The following RBFOX1 variants were observed in gnomAD, a reference collection of about 807,000 sequenced individuals.
The protein encoded by RBFOX1 is RNA binding fox-1 homolog 1, also known as RNA binding protein fox-1 homolog 1.
RBFOX1 carries 8 observed loss-of-function variants against 57.7 expected under a neutral mutation model. The ratio of observed to expected loss-of-function variants is 0.14; its 90% CI spans 0.08 to 0.25. The LOEUF (loss-of-function observed/expected upper bound fraction) is 0.25. RBFOX1 is among the 10% of genes least tolerant of loss of function. The probability of loss-of-function intolerance (pLI) is 1.00; values close to 1 mark genes in which losing one functional copy is unlikely to be tolerated. For missense variants in RBFOX1, 611 were observed against 548.5 expected (o/e 1.11, Z -1.14); for synonymous variants, 326 against 222.4 (o/e 1.47, Z -4.15).
intron 1 of RBFOX1, among the ~76,000 whole-genome samples, chr16:5,260,086 A>C (rs1447745970): frequency 1.3e-5 from 2 of 152,158 alleles, no homozygotes; most frequent in Non-Finnish European, 2.9e-5. Flanking sequence ...CTATAATCCC[A>C]GCTACGTGGG....
intron 4 of RBFOX1, among the ~76,000 whole-genome samples, chr16:7,448,606 C>T (rs2098826587): frequency 1.3e-5 from 2 of 152,170 alleles, no homozygotes; most frequent in South Asian, 4.1e-4. Context: ...ATGGGAGCTA[C>T]AATTTAAGAC....
At chr16:6,964,563 A>C (rs544219644) in intron 3 of RBFOX1, among the ~76,000 whole-genome samples, 1 of 152,140 alleles carries the variant, frequency 6.6e-6, no homozygotes, top group African/African-American at 2.4e-5. Context: ...GTGAGGGTAT[A>C]TGGGGAATCT....
chr16:7,379,733 TCTGCCTGCCTGCTTGC>T (rs1327507778), intron 4 of RBFOX1, among the ~76,000 whole-genome samples: 4 of 151,808 alleles, frequency 2.6e-5, no homozygotes, highest in African/African-American at 9.7e-5. Context: ...TTCCTTCCTT[TCTGCCTGCCTGCTTGC>T]CTGCCTGCCT....
intron 3 of RBFOX1, among the ~76,000 whole-genome samples, chr16:6,734,360 T>G (rs969225706): frequency 1.3e-5 from 2 of 152,208 alleles, no homozygotes; most frequent in African/African-American, 4.8e-5. Flanking sequence ...TTCACAAGAT[T>G]GCTAATCATT....
intron 2 of RBFOX1, among the ~76,000 whole-genome samples, chr16:6,501,751 C>A (rs1048941398): frequency 1.3e-5 from 2 of 152,066 alleles, no homozygotes; most frequent in Non-Finnish European, 2.9e-5. Flanking sequence ...GTGCCAGGCA[C>A]TGCTTTTCCA....
chr16:5,746,865 T>C (rs1226166420), intron 3 of RBFOX1, among the ~76,000 whole-genome samples: 2 of 152,218 alleles, frequency 1.3e-5, no homozygotes, highest in Non-Finnish European at 2.9e-5. Flanking sequence ...TTTCTAAATA[T>C]ACAATCATGT....
At chr16:5,407,877 G>A (rs1015360486) in intron 1 of RBFOX1, among the ~76,000 whole-genome samples, 1 of 152,220 alleles carries the variant, frequency 6.6e-6, no homozygotes, top group South Asian at 2.1e-4. Context: ...CCCAAGTCCC[G>A]TGGGAGGTGT....
intron 13 of RBFOX1, among the ~76,000 whole-genome samples, chr16:7,668,913 A>G (rs529547855): frequency 9.8e-4 from 149 of 152,144 alleles, no homozygotes; most frequent in Non-Finnish European, 1.5e-3. Flanking sequence ...GAAGCTATAG[A>G]TGTTTTTTGA....
intron 4 of RBFOX1, among the ~76,000 whole-genome samples, chr16:7,442,789 C>T (rs1169498768): frequency 2.0e-5 from 3 of 152,168 alleles, no homozygotes; most frequent in Non-Finnish European, 4.4e-5. Flanking sequence ...TCGATCGTCA[C>T]CCACCAGATC....
intron 4 of RBFOX1, among the ~76,000 whole-genome samples, chr16:5,919,069 T>A (rs2058764924): frequency 6.6e-6 from 1 of 152,206 alleles, no homozygotes; most frequent in South Asian, 2.1e-4. Flanking sequence ...GTCTGAGAGC[T>A]GAGGCAGTTT....
intron 2 of RBFOX1, among the ~76,000 whole-genome samples, chr16:6,598,631 C>T (rs544368589): frequency 6.7e-6 from 1 of 150,036 alleles, no homozygotes; most frequent in Non-Finnish European, 1.5e-5. Context: ...TATTATGTGA[C>T]CATTCAAAAT....
intron 2 of RBFOX1, among the ~76,000 whole-genome samples, chr16:6,425,866 A>G (rs906283258): frequency 2.0e-5 from 3 of 152,136 alleles, no homozygotes; most frequent in Non-Finnish European, 2.9e-5. Flanking sequence ...CATAATGTCA[A>G]TCATTGTCAA....
At chr16:7,515,421 A>T (rs1034201378) in intron 4 of RBFOX1, among the ~76,000 whole-genome samples, 10 of 152,080 alleles carry the variant, frequency 6.6e-5, no homozygotes, top group Non-Finnish European at 7.4e-5. Flanking sequence ...ATACTGTATT[A>T]TATACTGGAA....
intron 1 of RBFOX1, among the ~76,000 whole-genome samples, chr16:6,238,497 C>G (rs1490648714): frequency 6.6e-6 from 1 of 152,188 alleles, no homozygotes; most frequent in Non-Finnish European, 1.5e-5. Context: ...TGGTACTTCG[C>G]TGTGGTTTTT....
intron 1 of RBFOX1, among the ~76,000 whole-genome samples, chr16:5,393,228 C>G (rs1394556260): frequency 6.6e-6 from 1 of 152,080 alleles, no homozygotes; most frequent in Non-Finnish European, 1.5e-5. Context: ...GTCACTGTAC[C>G]CCAGCACTGG....
At chr16:5,318,592 C>G (rs74515133) in intron 1 of RBFOX1, among the ~76,000 whole-genome samples, 1 of 35,488 alleles carries the variant, frequency 2.8e-5, no homozygotes, top group African/African-American at 4.1e-5. Flanking sequence ...ACCAAAAAAA[C>G]AAACAAAAAA....
chr16:5,369,153 C>A (rs1324036926), intron 1 of RBFOX1, among the ~76,000 whole-genome samples: 1 of 152,262 alleles, frequency 6.6e-6, no homozygotes. Context: ...AAACATGTGC[C>A]ACCATGCCTG....
intron 2 of RBFOX1, among the ~76,000 whole-genome samples, chr16:5,597,525 A>C (rs1185443195): frequency 6.7e-6 from 1 of 149,702 alleles, no homozygotes; most frequent in African/African-American, 2.5e-5. Flanking sequence ...TTAGCCTCCC[A>C]AGTAGCTGAG....
At chr16:6,229,546 A>C (rs2097442984) in intron 1 of RBFOX1, among the ~76,000 whole-genome samples, 1 of 152,250 alleles carries the variant, frequency 6.6e-6, no homozygotes, top group Admixed American at 6.5e-5. Flanking sequence ...GCTCATAAAA[A>C]GAGATAAATT....
Sources: allele counts gnomAD v4.1 joint callset (sites outside exome capture counted in the v4.1 genomes callset), GRCh38; gene constraint gnomAD v4.1.1; transcripts MANE v1.5; gene names NCBI Gene and HGNC (gene_info 2026-07-23, HGNC 2026-07-21).